GDAP1L1: variants seen among roughly 807,000 people sequenced by gnomAD.
GDAP1L1 encodes the protein ganglioside-induced differentiation-associated protein 1-like 1.
GDAP1L1 carries 21 observed loss-of-function variants against 37.1 expected under a neutral mutation model. The observed-to-expected ratio is 0.57, with a 90% CI of 0.40 to 0.81. The LOEUF is 0.81. GDAP1L1 is among the 40% of genes least tolerant of loss of function. The probability of loss-of-function intolerance (pLI) is 0.00; values close to 1 mark genes in which losing one functional copy is unlikely to be tolerated. For missense variants in GDAP1L1, 362 were observed against 491.6 expected (o/e 0.74, Z 2.49); for synonymous variants, 193 against 209.1 (o/e 0.92, Z 0.67).
At chr20:44,278,442 A>G (rs2062607444) in intron 5 of GDAP1L1, among the ~76,000 whole-genome samples, 1 of 152,096 alleles carries the variant, frequency 6.6e-6, no homozygotes, top group Non-Finnish European at 1.5e-5. Flanking sequence ...GTGCAGTGGC[A>G]CTGTCTTGGC....
chr20:44,257,070 C>T, intron 1 of GDAP1L1, 83 bp from the exon 2 acceptor site: 2 of 1,397,522 alleles, frequency 1.4e-6, no homozygotes, highest in Non-Finnish European at 1.9e-6. Flanking sequence ...CTCTGACCTC[C>T]CTCCCCGCAC....
intron 5 of GDAP1L1, among the ~76,000 whole-genome samples, chr20:44,270,316 G>A (rs933073804): frequency 2.2e-4 from 33 of 149,998 alleles, no homozygotes; most frequent in Admixed American, 1.5e-3. Context: ...GACTACAGGC[G>A]CCCGCCACTA....
intron 3 of GDAP1L1, 41 bp downstream of exon 3, chr20:44,258,648 C>G: frequency 7.0e-7 from 1 of 1,433,360 alleles, no homozygotes; most frequent in Non-Finnish European, 9.6e-7. Context: ...TGCTTTCCCC[C>G]TTTGCGCCGC....
rs1555801116 is a variant in GDAP1L1, at chr20:44,276,385, A to AGG, written c.761-2572_761-2571insGG. On this transcript the variant is annotated intron_variant, in intron 5 of 5. Transcript: ENST00000342560. ...AAGGAAGGAAGGAAGGAAGGAAGGA[A>AGG]AAGAAAAGAAAGGGAAAGAAAAAAG... Among the ~76,000 whole-genome samples the AGG allele has an allele frequency of 8.3e-3, 1,224 of 146,890 alleles. 28 individuals are homozygous for AGG. Among genetic ancestry groups the AGG allele is most frequent in the African/African-American group, 0.03 (1,150 of 38,894 alleles).
upstream of GDAP1L1, chr20:44,247,182 G>GCCCCCTCT (rs2073344328): frequency 1.3e-6 from 1 of 748,930 alleles, no homozygotes; most frequent in African/African-American, 1.8e-5. Context: ...GGATCCCCTC[G>GCCCCCTCT]CCCCCTCCCC....
intron 3 of GDAP1L1, among the ~76,000 whole-genome samples, chr20:44,259,492 A>ATTTTT (rs11481104): frequency 1.5e-5 from 2 of 132,516 alleles, no homozygotes; most frequent in African/African-American, 2.8e-5. Flanking sequence ...AAGACTCAGA[A>ATTTTT]TTTTTTTTTT....
chr20:44,248,283 G>A (rs1401063629), intron 1 of GDAP1L1, among the ~76,000 whole-genome samples: 7 of 152,334 alleles, frequency 4.6e-5, no homozygotes, highest in Middle Eastern at 3.4e-3. Context: ...CCCTCAGACA[G>A]GGGCGCCTCT....
Position 44,257,416 on chromosome 20 carries a change from G to A in GDAP1L1, c.373+71G>A, listed in dbSNP as rs953013589. ...CTCAGGGGTCCCCACAGGCTCAGAC[G>A]GGGTCCCAGAACTTTGGGAAGTCTG... On this transcript the variant is annotated intron_variant, in intron 2 of 5. Transcript: ENST00000342560. 1.3e-5 allele frequency: 18 copies of A among 1,425,434 alleles called. No individual in the cohort carries two copies. The Middle Eastern group carries it at 5.4e-4, about 43-fold the overall frequency. The allele number at this position is 1,425,434 out of a possible 1,614,324, so 88.3% of individuals were successfully genotyped here.
At position 44,278,958 on chromosome 20, in the gene GDAP1L1, G is replaced by C; in HGVS notation, c.762G>C (p.Gly254=). Residue 254 remains glycine (G), a splice_region_variant and synonymous_variant, in exon 6 of 6, where the codon GGG becomes GGC. Coordinates refer to ENST00000342560, the MANE Select transcript of GDAP1L1 (RefSeq NM_024034.6). ...ELEKRKLENE[G]QKCELWLCGC... ...TGCCTCCTCTTTCTTCCACTCTAGG[G>C]CAGAAATGCGAGCTGTGGCTCTGTG... 9.9e-6 allele frequency: 16 copies of C among 1,608,754 alleles called. No individual in the cohort carries two copies. Among genetic ancestry groups the C allele is most frequent in the Non-Finnish European group, 1.4e-5 (16 of 1,175,956 alleles).
intron 5 of GDAP1L1, among the ~76,000 whole-genome samples, chr20:44,274,659 CCTTCTTATCATCTTTGCTGGTTT>C (rs2062554942): frequency 1.3e-5 from 2 of 152,176 alleles, no homozygotes; most frequent in Admixed American, 1.3e-4. Flanking sequence ...AAAGGCGGCT[CCTTCTTATCATCTTTGCTGGTTT>C]CTCTTGGTGT....
At chr20:44,250,564 T>C (rs930515660) in intron 1 of GDAP1L1, among the ~76,000 whole-genome samples, 19 of 152,234 alleles carry the variant, frequency 1.2e-4, no homozygotes, top group Non-Finnish European at 2.5e-4. Flanking sequence ...GTGTCTTCTT[T>C]GCCTGTCTAA....
rs375693248 is a variant in GDAP1L1 at position 44,279,853 on chromosome 20, A to G, written c.*553A>G. The G allele has an allele frequency of 2.1e-6, 1 of 465,118 alleles. No individual in the cohort carries two copies. The highest frequency in any genetic ancestry group is 1.6e-5 in the South Asian group (1 of 63,706). The allele number at this position is 465,118 out of a possible 1,614,324, so 28.8% of individuals were successfully genotyped here. On this transcript the variant is annotated 3_prime_UTR_variant, in exon 6 of 6. Coordinates refer to ENST00000342560, the MANE Select transcript of GDAP1L1 (RefSeq NM_024034.6). ...AAGGGGCTTCACGCTTCTCCTGGACATGGACTAGCTTGAGCCAAGGCAGTG... is the reference window on the plus strand; with the variant it reads ...AAGGGGCTTCACGCTTCTCCTGGACGTGGACTAGCTTGAGCCAAGGCAGTG...
intron 1 of GDAP1L1, among the ~76,000 whole-genome samples, chr20:44,254,933 C>A (rs753787243): frequency 6.6e-6 from 1 of 152,036 alleles, no homozygotes; most frequent in Admixed American, 6.5e-5. Context: ...CATGTATTAA[C>A]CTTCTGTGCT....
chr20:44,247,437 G>A lies in GDAP1L1; in HGVS notation c.103G>A (p.Glu35Lys), dbSNP rs771910437. Residue 35 changes from glutamate to lysine, a missense_variant, in exon 1 of 6, where the codon GAG becomes AAG. This residue lies in a region of GDAP1L1 where 277 missense variants were observed against 337.1 expected (regional missense o/e 0.82). Coordinates refer to ENST00000342560, the MANE Select transcript of GDAP1L1 (RefSeq NM_024034.6). Reference sequence around the variant, plus strand: ...GCCAGCGGAGGCCCCCGACGCTCCCGAGGCGGCCAGCCCCGCCCATTGGCC... The same window carrying A: ...GCCAGCGGAGGCCCCCGACGCTCCCAAGGCGGCCAGCCCCGCCCATTGGCC... ...AKPAEAPDAP[E>K]AASPAHWPRE... 7.5e-6 allele frequency: 12 copies of A among 1,608,002 alleles called. No individual in the cohort carries two copies. The highest frequency in any genetic ancestry group is 9.3e-6 in the Non-Finnish European group (11 of 1,177,924).
At position 44,280,136 on chromosome 20, in the gene GDAP1L1, C is replaced by T. The variant is rs368593121; in HGVS notation, c.*836C>T. The stretch of plus-strand genomic sequence containing the variant: ...AGGTGGACAAACCTAGGTCCCCCTC[C>T]TAGCCTCTGTCCAAGCCATCTCCTT... On this transcript the variant is annotated 3_prime_UTR_variant, in exon 6 of 6. Coordinates refer to ENST00000342560, the MANE Select transcript of GDAP1L1 (RefSeq NM_024034.6). The T allele has an allele frequency of 2.5e-5, 7 of 277,656 alleles. No homozygotes were observed. The highest frequency in any genetic ancestry group is 2.4e-4 in the South Asian group (6 of 25,174). 17.2% of individuals were successfully genotyped at this position (277,656 alleles called of 1,614,324 possible). A position where few individuals can be genotyped will look rare whatever the true frequency, so the allele number is the denominator to read the frequency against.
chr20:44,266,804 A>T (rs2073768265), intron 5 of GDAP1L1, among the ~76,000 whole-genome samples: 1 of 152,174 alleles, frequency 6.6e-6, no homozygotes, highest in Admixed American at 6.5e-5. Context: ...TAAGGTAATT[A>T]TCTCTTTAAA....
intron 1 of GDAP1L1, among the ~76,000 whole-genome samples, chr20:44,251,682 AG>A (rs1410868065): frequency 1.3e-5 from 2 of 152,204 alleles, no homozygotes; most frequent in African/African-American, 4.8e-5. Context: ...GTGGCTCCCC[AG>A]GTCCCTCAGG....
At chr20:44,267,602 C>G (rs1201901086) in intron 5 of GDAP1L1, among the ~76,000 whole-genome samples, 1 of 148,128 alleles carries the variant, frequency 6.8e-6, no homozygotes, top group African/African-American at 2.5e-5. Context: ...CAGAGCAAGA[C>G]TCTGTCTCAA....
chr20:44,258,108 C>T, intron 2 of GDAP1L1: 1 of 715,056 alleles, frequency 1.4e-6, no homozygotes, highest in Non-Finnish European at 2.6e-6. Context: ...GAGTTGGTTG[C>T]CAACATTTAA....
Sources: gnomAD v4.1 joint callset for allele counts (sites outside exome capture counted in the v4.1 genomes callset) on GRCh38, gnomAD v4.1.1 for gene constraint, gnomAD v4.1.1 regional missense constraint, MANE v1.5 for transcripts, NCBI Gene and HGNC (gene_info 2026-07-23, HGNC 2026-07-21) for gene names.